RBM19: variants seen among roughly 807,000 people sequenced by gnomAD.
The protein encoded by RBM19 is probable RNA-binding protein 19.
In RBM19, 94 loss-of-function variants were observed where a neutral mutation model predicts 116.8. The observed-to-expected ratio is 0.80, with a 90% CI of 0.68 to 0.95. RBM19 has a LOEUF of 0.95. Ranked by LOEUF, RBM19 falls within the 40% of genes least tolerant of loss-of-function variation. The pLI is 0.00. For missense variants in RBM19, 1,161 were observed against 1,220.7 expected (o/e 0.95, Z 0.73); for synonymous variants, 475 against 494.1 (o/e 0.96, Z 0.51).
At chr12:113,878,097 C>T (rs1001550791) in intron 21 of RBM19, among the ~76,000 whole-genome samples, 1 of 152,092 alleles carries the variant, frequency 6.6e-6, no homozygotes, top group Non-Finnish European at 1.5e-5. Flanking sequence ...ATCACATGGC[C>T]CATGAAGCTA....
At chr12:113,843,892 C>T (rs954704960) in intron 23 of RBM19, among the ~76,000 whole-genome samples, 7 of 152,248 alleles carry the variant, frequency 4.6e-5, no homozygotes, top group Admixed American at 3.3e-4. Context: ...GTTTCTCACA[C>T]ATACCGAGCT....
At position 113,957,923 on chromosome 12, in the gene RBM19, G is replaced by A. The variant is rs745612203; in HGVS notation, c.699C>T (p.Ala233=). ...SSEEEESEDE[A]VHCDEGSEAE... ...CCTCACTCCCTTCATCACAGTGCAC[G>A]GCTTCATCTTCACTTTCCTCTTCCT... The change falls in exon 6 of 24, where the codon GCC becomes GCT. Residue 233 remains alanine, a synonymous_variant. Coordinates refer to ENST00000261741, the MANE Select transcript of RBM19 (RefSeq NM_016196.4). 15 of 1,614,134 alleles carry A rather than the reference G, an allele frequency of 9.3e-6. No homozygotes were observed. Among genetic ancestry groups the A allele is most frequent in the South Asian group, 4.4e-5 (4 of 91,082 alleles).
At chr12:113,922,705 A>C (rs1459607442) in intron 18 of RBM19, among the ~76,000 whole-genome samples, 2 of 151,562 alleles carry the variant, frequency 1.3e-5, no homozygotes, top group African/African-American at 4.9e-5. Context: ...CCAAAACTAT[A>C]TCTGAAGACC....
At chr12:113,902,880 G>T (rs1881791882) in intron 21 of RBM19, among the ~76,000 whole-genome samples, 1 of 152,062 alleles carries the variant, frequency 6.6e-6, no homozygotes. Context: ...TCCTTTTATG[G>T]GGGGGTTAGC....
intron 23 of RBM19, among the ~76,000 whole-genome samples, chr12:113,834,621 A>G (rs1875713548): frequency 6.6e-6 from 1 of 152,178 alleles, no homozygotes; most frequent in South Asian, 2.1e-4. Flanking sequence ...TTCCAATACA[A>G]CTTTATTTAT....
chr12:113,866,649 A>C (rs1397339195), intron 21 of RBM19, among the ~76,000 whole-genome samples: 1 of 152,128 alleles, frequency 6.6e-6, no homozygotes. Flanking sequence ...TCAAAAATGC[A>C]ATGTTCTGCC....
chr12:113,831,340 G>A (rs1565961047), intron 23 of RBM19, among the ~76,000 whole-genome samples: 1 of 152,158 alleles, frequency 6.6e-6, no homozygotes, highest in Non-Finnish European at 1.5e-5. Context: ...CCTTGTCTGT[G>A]TGTTTTCCTT....
At chr12:113,885,261 C>T (rs78450384) in intron 21 of RBM19, among the ~76,000 whole-genome samples, 10,144 of 152,246 alleles carry the variant, frequency 0.067, 655 homozygotes, top group East Asian at 0.34. Context: ...GACAAATCTT[C>T]GGTATTTCTA....
chr12:113,834,916 A>G (rs1875743911), intron 23 of RBM19, among the ~76,000 whole-genome samples: 1 of 152,212 alleles, frequency 6.6e-6, no homozygotes, highest in Non-Finnish European at 1.5e-5. Flanking sequence ...ACGTAAAACC[A>G]CCTGATATCA....
chr12:113,965,451 C>T (rs1872793417), intron 1 of RBM19, among the ~76,000 whole-genome samples: 1 of 152,122 alleles, frequency 6.6e-6, no homozygotes, highest in Non-Finnish European at 1.5e-5. Context: ...TAAAAATCCT[C>T]ATCCCACAAA....
chr12:113,959,809 C>T, intron 4 of RBM19, 56 bp downstream of exon 4: 1 of 1,592,766 alleles, frequency 6.3e-7, no homozygotes, highest in South Asian at 1.1e-5. Flanking sequence ...CCAGTCTCCA[C>T]CCTCTTCCAC....
intron 21 of RBM19, among the ~76,000 whole-genome samples, chr12:113,876,125 C>T (rs2135779058): frequency 6.6e-6 from 1 of 152,344 alleles, no homozygotes; most frequent in Admixed American, 6.5e-5. Context: ...CTAGGATTCT[C>T]TGACTGGATT....
chr12:113,937,398 C>G (rs1870165315), intron 15 of RBM19: 1 of 322,168 alleles, frequency 3.1e-6, no homozygotes, highest in Admixed American at 4.8e-5. Flanking sequence ...TCCCAGGCCC[C>G]CTTTGTGTTT....
chr12:113,835,457 G>A (rs1875794041), intron 23 of RBM19, among the ~76,000 whole-genome samples: 1 of 152,168 alleles, frequency 6.6e-6, no homozygotes, highest in African/African-American at 2.4e-5. Context: ...CCAGGGGAGG[G>A]GCATGACAAG....
In RBM19 at chr12:113,887,045, T is replaced by A. The variant is rs369679374; in HGVS notation, c.2558+27924A>T. Among the ~76,000 whole-genome samples the A allele has an allele frequency of 7.2e-5, 11 of 152,232 alleles. No homozygotes were observed. The South Asian group carries it at 1.2e-3, about 17-fold the overall frequency. On this transcript the variant is annotated intron_variant, in intron 21 of 23. Transcript: ENST00000261741. ...TGGTTTTTACATTTTTAAAATATTTTGGGGGAAAAAAATCACAAGAATAAC... is the reference window on the plus strand; with the variant it reads ...TGGTTTTTACATTTTTAAAATATTTAGGGGGAAAAAAATCACAAGAATAAC...
chr12:113,937,973 T>G (rs1870223842), intron 15 of RBM19, among the ~76,000 whole-genome samples: 1 of 152,042 alleles, frequency 6.6e-6, no homozygotes, highest in African/African-American at 2.4e-5. Flanking sequence ...TGCTTCAGAG[T>G]GAAACAGATT....
rs1331636540 is a variant in RBM19 at position 113,897,136 on chromosome 12, C to G, written c.2558+17833G>C. On this transcript the variant is annotated intron_variant, in intron 21 of 23. Transcript: ENST00000261741. ...ACCCGGCAAGTATTTATTATGATCTCCATTTTATAGATGCAGATACTGACA... is the reference window on the plus strand; with the variant it reads ...ACCCGGCAAGTATTTATTATGATCTGCATTTTATAGATGCAGATACTGACA... 2.6e-5 allele frequency among the ~76,000 whole-genome samples: 4 copies of G among 152,174 alleles called. No individual in the cohort carries two copies. The East Asian group carries it at 7.7e-4, about 29-fold the overall frequency.
In RBM19 at chr12:113,822,735, T is replaced by A. The variant is rs1874512339; in HGVS notation, c.*489A>T. ...TATTTCTCTCTAAAACCTTATGAAG[T>A]AAGAACTAGCTAGCAAGGGGAAGGC... On this transcript the variant is annotated 3_prime_UTR_variant, in exon 24 of 24. Transcript: ENST00000261741. The A allele has an allele frequency of 6.3e-6, 1 of 158,646 alleles. No individual in the cohort carries two copies. The highest frequency in any genetic ancestry group is 1.9e-4 in the South Asian group (1 of 5,164). 9.8% of individuals were successfully genotyped at this position (158,646 alleles called of 1,614,324 possible). A position where few individuals can be genotyped will look rare whatever the true frequency, so the allele number is the denominator to read the frequency against.
chr12:113,912,178 G>A (rs1025613246), intron 21 of RBM19, among the ~76,000 whole-genome samples: 17 of 152,176 alleles, frequency 1.1e-4, no homozygotes, highest in African/African-American at 4.1e-4. Flanking sequence ...CTAGGAGGCT[G>A]CCTTCTCTCC....
Sources: allele counts gnomAD v4.1 joint callset (sites outside exome capture counted in the v4.1 genomes callset), GRCh38; gene constraint gnomAD v4.1.1; transcripts MANE v1.5; gene names NCBI Gene and HGNC (gene_info 2026-07-23, HGNC 2026-07-21).